Variants in PARD3B observed in about 807,000 individuals in gnomAD.
PARD3B encodes the protein par-3 family cell polarity regulator beta, also known as partitioning defective 3 homolog B.
A neutral mutation model predicts 130.2 loss-of-function variants in PARD3B; 103 were observed. The ratio of observed to expected loss-of-function variants is 0.79; its 90% CI spans 0.67 to 0.93. The LOEUF (loss-of-function observed/expected upper bound fraction) is 0.93. Ranked by LOEUF, PARD3B falls within the 40% of genes least tolerant of loss-of-function variation. The probability of loss-of-function intolerance (pLI) is 0.00; values close to 1 mark genes in which losing one functional copy is unlikely to be tolerated. For synonymous variants in PARD3B, 583 were observed against 553.2 expected (o/e 1.05, Z -0.76); for missense variants, 1,609 against 1,499.2 (o/e 1.07, Z -1.21).
intron 2 of PARD3B, among the ~76,000 whole-genome samples, chr2:204,837,456 T>C (rs2044086552): frequency 6.6e-6 from 1 of 151,414 alleles, no homozygotes; most frequent in Non-Finnish European, 1.5e-5. Context: ...ATTCTTACTC[T>C]GTTGCCCAGG....
rs1692221057 is a variant in PARD3B, at chr2:204,976,894, G to T, written c.394+11571G>T. On this transcript the variant is annotated intron_variant, in intron 3 of 22. Transcript: ENST00000406610. ...CAAAGTGCTGGGATTACAGGGGTGA[G>T]CCAGTCCCACCTAGCCATGCAACTG... Among the ~76,000 whole-genome samples the T allele has an allele frequency of 3.9e-5, 6 of 152,192 alleles. No homozygotes were observed. The South Asian group carries it at 1.2e-3, about 32-fold the overall frequency.
chr2:204,751,097 G>C (rs1041032587), intron 2 of PARD3B, among the ~76,000 whole-genome samples: 2 of 152,158 alleles, frequency 1.3e-5, no homozygotes, highest in African/African-American at 4.8e-5. Context: ...GTCAGCAAGA[G>C]GTAGAAGAGC....
At chr2:204,925,375 C>T (rs1687522187) in intron 2 of PARD3B, among the ~76,000 whole-genome samples, 2 of 152,014 alleles carry the variant, frequency 1.3e-5, no homozygotes, top group South Asian at 2.1e-4. Flanking sequence ...TGAGACAATG[C>T]CACCCTCCAT....
intron 2 of PARD3B, among the ~76,000 whole-genome samples, chr2:204,749,861 T>G (rs940753053): frequency 4.3e-4 from 65 of 152,336 alleles, no homozygotes; most frequent in African/African-American, 1.5e-3. Context: ...TGATTTTTCT[T>G]TTTTTAAACC....
chr2:205,084,060 A>C (rs1701597341), intron 4 of PARD3B, among the ~76,000 whole-genome samples: 1 of 152,136 alleles, frequency 6.6e-6, no homozygotes, highest in Non-Finnish European at 1.5e-5. Context: ...AATATCACCT[A>C]ATACTTCGTC....
intron 18 of PARD3B, among the ~76,000 whole-genome samples, chr2:205,355,195 C>G (rs1296833453): frequency 1.3e-5 from 2 of 152,044 alleles, no homozygotes; most frequent in Non-Finnish European, 2.9e-5. Context: ...TTGAACAGTC[C>G]CAATGTTTTC....
At chr2:205,416,007 T>C (rs981342893) in intron 19 of PARD3B, among the ~76,000 whole-genome samples, 2 of 152,176 alleles carry the variant, frequency 1.3e-5, no homozygotes, top group Non-Finnish European at 2.9e-5. Flanking sequence ...CATTTTTACA[T>C]TGCCCTATAA....
chr2:204,988,304 T>C (rs957619284), intron 3 of PARD3B, among the ~76,000 whole-genome samples: 3 of 152,126 alleles, frequency 2.0e-5, no homozygotes, highest in Non-Finnish European at 4.4e-5. Flanking sequence ...ATTGAACTCA[T>C]GGACATAGAG....
chr2:205,073,477 G>GA (rs992666156), intron 4 of PARD3B, among the ~76,000 whole-genome samples: 1 of 151,782 alleles, frequency 6.6e-6, no homozygotes, highest in Non-Finnish European at 1.5e-5. Flanking sequence ...ATTTTTTCGG[G>GA]AAAAAAAGTC....
chr2:204,702,125 T>C (rs1468957661), intron 2 of PARD3B, among the ~76,000 whole-genome samples: 1 of 152,212 alleles, frequency 6.6e-6, no homozygotes, highest in East Asian at 1.9e-4. Flanking sequence ...TGTACCACAT[T>C]TTCTTTAGCC....
intron 15 of PARD3B, among the ~76,000 whole-genome samples, chr2:205,233,770 T>C (rs1169568562): frequency 7.9e-5 from 12 of 152,210 alleles, no homozygotes; most frequent in Admixed American, 7.9e-4. Flanking sequence ...CAAAATCATC[T>C]AACACAAAGC....
At chr2:204,764,017 A>G (rs1242695212) in intron 2 of PARD3B, among the ~76,000 whole-genome samples, 3 of 152,154 alleles carry the variant, frequency 2.0e-5, no homozygotes, top group Non-Finnish European at 4.4e-5. Context: ...TGCCTGAGGT[A>G]TACCCTAAAT....
intron 2 of PARD3B, among the ~76,000 whole-genome samples, chr2:204,765,645 TAA>T (rs201997640): frequency 6.6e-6 from 1 of 151,700 alleles, no homozygotes; most frequent in African/African-American, 2.4e-5. Flanking sequence ...TGCTATGCAA[TAA>T]AAAAAAATTC....
chr2:204,960,685 G>A (rs1196519939), intron 2 of PARD3B, among the ~76,000 whole-genome samples: 7 of 151,938 alleles, frequency 4.6e-5, no homozygotes, highest in Non-Finnish European at 1.0e-4. Context: ...TTTACATTGA[G>A]CACCTATGAT....
At chr2:205,283,987 G>C (rs373720382) in intron 16 of PARD3B, among the ~76,000 whole-genome samples, 2 of 152,152 alleles carry the variant, frequency 1.3e-5, no homozygotes, top group Non-Finnish European at 2.9e-5. Context: ...AAAACTTTCT[G>C]TAAGGTTGGC....
At chr2:204,875,063 T>G (rs1297224921) in intron 2 of PARD3B, among the ~76,000 whole-genome samples, 1 of 152,196 alleles carries the variant, frequency 6.6e-6, no homozygotes, top group African/African-American at 2.4e-5. Context: ...CTTTTTATGC[T>G]TTTTAAAGTT....
chr2:205,604,506 G>T (rs1466499279), intron 22 of PARD3B, among the ~76,000 whole-genome samples: 3 of 152,144 alleles, frequency 2.0e-5, no homozygotes, highest in Non-Finnish European at 4.4e-5. Context: ...CACAACACTT[G>T]GGAATTCAAG....
intron 2 of PARD3B, among the ~76,000 whole-genome samples, chr2:204,751,448 T>C (rs563541624): frequency 6.6e-6 from 1 of 152,346 alleles, no homozygotes; most frequent in South Asian, 2.1e-4. Context: ...AACTTCAAGG[T>C]ACACACTGCC....
rs1553500304 is a variant in PARD3B at position 205,383,105 on chromosome 2, T to TAGATAGATAGATAGATAGAG, written c.2631-17889_2631-17888insGAGATAGATAGATAGATAGA. On this transcript the variant is annotated intron_variant, in intron 18 of 22. Coordinates refer to ENST00000406610, the MANE Select transcript of PARD3B (RefSeq NM_001302769.2). ...TTACATAGATAGATAGATAGATAGA[T>TAGATAGATAGATAGATAGAG]AGATAGATAGATAGATAGATAGATA... Among the ~76,000 whole-genome samples, 174 of 136,796 alleles carry TAGATAGATAGATAGATAGAG rather than the reference T, an allele frequency of 1.3e-3. 1 individual carries two copies. The highest frequency in any genetic ancestry group is 3.6e-3 in the South Asian group (14 of 3,882). 89.7% of individuals were successfully genotyped at this position (136,796 alleles called of 152,430 possible).
Sources: gnomAD v4.1 joint callset for allele counts (sites outside exome capture counted in the v4.1 genomes callset) on GRCh38, gnomAD v4.1.1 for gene constraint, MANE v1.5 for transcripts, NCBI Gene and HGNC (gene_info 2026-07-23, HGNC 2026-07-21) for gene names.